Variants in ZNF713 observed in about 807,000 individuals in gnomAD.
ZNF713 encodes the protein zinc finger protein 713.
A neutral mutation model predicts 28.7 loss-of-function variants in ZNF713; 21 were observed. That is an observed-to-expected ratio of 0.73 (90% confidence interval 0.52 to 1.05). ZNF713 has a LOEUF of 1.05. Ranked by LOEUF, ZNF713 falls within the 50% of genes least tolerant of loss-of-function variation. ZNF713 has a pLI of 0.00. For synonymous variants in ZNF713, 167 were observed against 178.0 expected (o/e 0.94, Z 0.49); for missense variants, 458 against 532.4 (o/e 0.86, Z 1.37).
At chr7:55,897,019 C>A (rs1785485436) in intron 1 of ZNF713, among the ~76,000 whole-genome samples, 1 of 152,000 alleles carries the variant, frequency 6.6e-6, no homozygotes, top group Non-Finnish European at 1.5e-5. Context: ...AATAAGTATC[C>A]ATGAGTCTCT....
rs971951751 is a variant in ZNF713 at position 55,941,131 on chromosome 7, A to G, written c.*1125A>G. The G allele has an allele frequency of 6.7e-5, 10 of 150,006 alleles. No homozygotes were observed. The highest frequency in any genetic ancestry group is 1.2e-4 in the Non-Finnish European group (8 of 67,536). The allele number at this position is 150,006 out of a possible 1,614,324, so 9.3% of individuals were successfully genotyped here. ...AACTGCACCTGGCAGGTTATGGTAT[A>G]AAACTTTTAAATCAGAAATTTTGAT... On this transcript the variant is annotated 3_prime_UTR_variant, in exon 7 of 7. Coordinates refer to ENST00000429591, the MANE Select transcript of ZNF713 (RefSeq NM_182633.3).
rs71015114 is a variant in ZNF713, at chr7:55,899,356, CA to C, written c.-582-6874del. ...TAGGTGACAGAGCGAGATTCCATCT[CA>C]AAAAAAAAAAAAAAAAAAAAAATCA... is the stretch of plus-strand genomic sequence containing the variant. On this transcript the variant is annotated intron_variant, in intron 1 of 6. Coordinates refer to ENST00000429591, the MANE Select transcript of ZNF713 (RefSeq NM_182633.3). Among the ~76,000 whole-genome samples the C allele has an allele frequency of 9.9e-3, 684 of 68,894 alleles. 2 individuals carry two copies. The highest frequency in any genetic ancestry group is 0.013 in the Admixed American group (53 of 4,066). The allele number at this position is 68,894 out of a possible 152,430, so 45.2% of individuals were successfully genotyped here. A position where few individuals can be genotyped will look rare whatever the true frequency, so the allele number is the denominator to read the frequency against.
intron 1 of ZNF713, among the ~76,000 whole-genome samples, chr7:55,893,850 G>C (rs1386135188): frequency 1.3e-5 from 2 of 152,194 alleles, no homozygotes; most frequent in Non-Finnish European, 2.9e-5. Flanking sequence ...AAATTGCTGG[G>C]ATTACAGGCA....
intron 1 of ZNF713, among the ~76,000 whole-genome samples, chr7:55,897,307 G>GTGGCGTGATCATGGCTCGCTGGAGTGCAC: frequency 6.6e-6 from 1 of 151,144 alleles, no homozygotes; most frequent in East Asian, 2.0e-4. Context: ...GTGGAGTGCA[G>GTGGCGTGATCATGGCTCGCTGGAGTGCAC]TGGCGTGATC....
chr7:55,933,229 C>T (rs1309557336), intron 6 of ZNF713, among the ~76,000 whole-genome samples: 2 of 151,932 alleles, frequency 1.3e-5, no homozygotes, highest in Non-Finnish European at 2.9e-5. Context: ...AAAGTGAGAC[C>T]CTGCCTCAAA....
At chr7:55,908,209 C>A (rs1391876998) in intron 2 of ZNF713, among the ~76,000 whole-genome samples, 1 of 123,236 alleles carries the variant, frequency 8.1e-6, no homozygotes, top group Non-Finnish European at 1.6e-5. Context: ...GTGGTGTGAT[C>A]TTGGCTCAGT....
chr7:55,935,682 G>C (rs1584320584), intron 6 of ZNF713, among the ~76,000 whole-genome samples: 2 of 152,124 alleles, frequency 1.3e-5, no homozygotes, highest in African/African-American at 4.8e-5. Context: ...GGCCAGGCGC[G>C]GTGGCTCACG....
At chr7:55,938,884 A>C (rs922781208) in intron 6 of ZNF713, 98 bp from the exon 7 acceptor site, 32 of 1,270,252 alleles carry the variant, frequency 2.5e-5, no homozygotes, top group Non-Finnish European at 3.4e-5. Flanking sequence ...CATTACTGTC[A>C]GTTTTATTTG....
chr7:55,926,082 G>C (rs1324657792), intron 6 of ZNF713, among the ~76,000 whole-genome samples: 1 of 152,136 alleles, frequency 6.6e-6, no homozygotes, highest in East Asian at 1.9e-4. Flanking sequence ...TTGGGAGGCT[G>C]AGGTGGACAA....
chr7:55,889,454 T>A (rs1037115225), intron 1 of ZNF713, among the ~76,000 whole-genome samples: 69 of 152,330 alleles, frequency 4.5e-4, no homozygotes, highest in African/African-American at 1.6e-3. Context: ...ACAGAAAAGT[T>A]TAAAAAAAAA....
At chr7:55,891,199 A>T (rs942995340) in intron 1 of ZNF713, among the ~76,000 whole-genome samples, 2 of 152,216 alleles carry the variant, frequency 1.3e-5, no homozygotes, top group African/African-American at 4.8e-5. Flanking sequence ...ATTCAGTTTC[A>T]ACATTCTAAT....
chr7:55,938,219 C>T (rs979988951), intron 6 of ZNF713, among the ~76,000 whole-genome samples: 7 of 151,192 alleles, frequency 4.6e-5, no homozygotes, highest in African/African-American at 1.5e-4. Context: ...CTCAAAAAAA[C>T]AAAAAAAAGA....
chr7:55,897,233 T>C (rs967127753), intron 1 of ZNF713, among the ~76,000 whole-genome samples: 3 of 151,800 alleles, frequency 2.0e-5, no homozygotes, highest in African/African-American at 7.2e-5. Flanking sequence ...GATATGTACA[T>C]AGTCTTTTTT....
chr7:55,919,292 G>A (rs567015218), intron 4 of ZNF713, among the ~76,000 whole-genome samples: 1 of 152,240 alleles, frequency 6.6e-6, no homozygotes, highest in South Asian at 2.1e-4. Flanking sequence ...AATATGCTGT[G>A]TAACAACTTC....
chr7:55,924,968 T>C (rs2116243567), intron 6 of ZNF713: 1 of 152,206 alleles, frequency 6.6e-6, no homozygotes, highest in Admixed American at 6.5e-5. Flanking sequence ...GTTGGCTTTA[T>C]ACTCTCTTCT....
intron 1 of ZNF713, among the ~76,000 whole-genome samples, chr7:55,895,512 A>G (rs962946816): frequency 1.7e-5 from 2 of 119,252 alleles, no homozygotes; most frequent in African/African-American, 6.2e-5. Flanking sequence ...CTTATTGCCC[A>G]GGCTGGAGTG....
chr7:55,896,757 C>T lies in ZNF713; in HGVS notation c.-583+9077C>T, dbSNP rs555394541. Among the ~76,000 whole-genome samples, 17 of 152,018 alleles carry T rather than the reference C, an allele frequency of 1.1e-4. No individual in the cohort carries two copies. The South Asian group carries it at 1.2e-3, about 11-fold the overall frequency. ...CAGTAGCAATAAGCATACCTAGCAC[C>T]CAAATCTTTGTTTCTAAATCCTGTT... is the stretch of plus-strand genomic sequence containing the variant. On this transcript the variant is annotated intron_variant, in intron 1 of 6. Coordinates refer to ENST00000429591, the MANE Select transcript of ZNF713 (RefSeq NM_182633.3).
intron 6 of ZNF713, among the ~76,000 whole-genome samples, chr7:55,934,808 G>T (rs1322777291): frequency 6.6e-6 from 1 of 151,786 alleles, no homozygotes; most frequent in Non-Finnish European, 1.5e-5. Flanking sequence ...CCCAGCCATG[G>T]TAGAGCCTTT....
chr7:55,922,337 G>A (rs1190528221), intron 4 of ZNF713, among the ~76,000 whole-genome samples: 1 of 152,070 alleles, frequency 6.6e-6, no homozygotes, highest in Non-Finnish European at 1.5e-5. Flanking sequence ...TCAAGAGATT[G>A]AGACCATCCT....
Sources: gnomAD v4.1 joint callset for allele counts (sites outside exome capture counted in the v4.1 genomes callset) on GRCh38, gnomAD v4.1.1 for gene constraint, MANE v1.5 for transcripts, NCBI Gene and HGNC (gene_info 2026-07-23, HGNC 2026-07-21) for gene names.